Variants in KDM7A observed in about 807,000 individuals in gnomAD.
KDM7A encodes lysine-specific demethylase 7A.
KDM7A carries 28 observed loss-of-function variants against 114.8 expected under a neutral mutation model. The observed-to-expected ratio is 0.24, with a 90% confidence interval of 0.18 to 0.33. The LOEUF is 0.33. Ranked by LOEUF, KDM7A falls within the 10% of genes least tolerant of loss-of-function variation. The pLI, the probability that KDM7A is intolerant of heterozygous loss-of-function variation, is 1.00. For missense variants in KDM7A, 942 were observed against 1,142.5 expected (o/e 0.82, Z 2.53); for synonymous variants, 423 against 397.8 (o/e 1.06, Z -0.75).
At chr7:140,155,859 A>G (rs1369940251) in intron 1 of KDM7A, among the ~76,000 whole-genome samples, 1 of 152,192 alleles carries the variant, frequency 6.6e-6, no homozygotes, top group Non-Finnish European at 1.5e-5. Context: ...AGAATACTAC[A>G]CTATTTAAAG....
At chr7:140,156,823 G>C (rs1794462915) in intron 1 of KDM7A, among the ~76,000 whole-genome samples, 1 of 152,190 alleles carries the variant, frequency 6.6e-6, no homozygotes, top group East Asian at 1.9e-4. Flanking sequence ...GATGGAAATA[G>C]AGAAAGCCAG....
intron 11 of KDM7A, among the ~76,000 whole-genome samples, chr7:140,106,935 G>A (rs1207877263): frequency 6.6e-6 from 1 of 152,106 alleles, no homozygotes; most frequent in African/African-American, 2.4e-5. Context: ...CTTTTTGTAG[G>A]TCTCTAAGGA....
At chr7:140,128,035 A>C (rs991801327) in intron 4 of KDM7A, among the ~76,000 whole-genome samples, 5 of 152,044 alleles carry the variant, frequency 3.3e-5, no homozygotes, top group Non-Finnish European at 7.4e-5. Context: ...TCAAAAAAAA[A>C]CACATCACTC....
intron 1 of KDM7A, among the ~76,000 whole-genome samples, chr7:140,152,816 C>T (rs889852340): frequency 2.6e-4 from 40 of 152,190 alleles, no homozygotes; most frequent in African/African-American, 9.4e-4. Flanking sequence ...CATGTTGGAT[C>T]CCTTCAAAAG....
intron 1 of KDM7A, among the ~76,000 whole-genome samples, chr7:140,168,365 A>C (rs558515054): frequency 1.3e-5 from 2 of 152,272 alleles, no homozygotes; most frequent in African/African-American, 4.8e-5. Context: ...CAGGAGTTCA[A>C]GACCAGCCTG....
Position 140,084,912 on chromosome 7 carries a change from GAATACTAAATACAACTTTAAACAAGTC to G in KDM7A, c.*6155_*6181del. The G allele has an allele frequency of 6.6e-6, 1 of 152,244 alleles. No individual in the cohort carries two copies. The highest frequency in any genetic ancestry group is 1.5e-5 in the Non-Finnish European group (1 of 68,006). The allele number at this position is 152,244 out of a possible 1,614,324, so 9.4% of individuals were successfully genotyped here. Reference sequence around the variant, plus strand: ...TATTTTAAAATACAGAAATTGGAAAGAATACTAAATACAACTTTAAACAAGTCACTTGTCCTCCCCTATAATAATCAA... The same window carrying G: ...TATTTTAAAATACAGAAATTGGAAAGACTTGTCCTCCCCTATAATAATCAA... On this transcript the variant is annotated 3_prime_UTR_variant, in exon 20 of 20. Coordinates refer to ENST00000397560, the MANE Select transcript of KDM7A (RefSeq NM_030647.2).
chr7:140,153,417 C>T (rs1349833566), intron 1 of KDM7A, among the ~76,000 whole-genome samples: 4 of 150,976 alleles, frequency 2.6e-5, no homozygotes, highest in East Asian at 4.0e-4. Context: ...ACCCAGGAGA[C>T]GGAGCTTGCA....
chr7:140,090,828 T>A lies in KDM7A; in HGVS notation c.*266A>T, dbSNP rs1818005673. 4.9e-6 allele frequency: 2 copies of A among 404,632 alleles called. No individual in the cohort carries two copies. The highest frequency in any genetic ancestry group is 8.8e-6 in the Non-Finnish European group (2 of 226,776). 25.1% of individuals were successfully genotyped at this position (404,632 alleles called of 1,614,324 possible). A position where few individuals can be genotyped will look rare whatever the true frequency, so the allele number is the denominator to read the frequency against. On this transcript the variant is annotated 3_prime_UTR_variant, in exon 20 of 20. Coordinates refer to ENST00000397560, the MANE Select transcript of KDM7A (RefSeq NM_030647.2). ...AGACACTACCAACAACAAAATAAAA[T>A]TCAAGCCCTGACAAGAGACCCTTTC...
chr7:140,157,759 T>C (rs1170301146), intron 1 of KDM7A, among the ~76,000 whole-genome samples: 1 of 150,654 alleles, frequency 6.6e-6, no homozygotes, highest in Admixed American at 6.6e-5. Flanking sequence ...AGGTCAGGAG[T>C]TCCAGACCAG....
intron 1 of KDM7A, among the ~76,000 whole-genome samples, chr7:140,159,326 A>G (rs1321407133): frequency 6.6e-6 from 1 of 152,194 alleles, no homozygotes; most frequent in African/African-American, 2.4e-5. Context: ...CAGCCTGGGC[A>G]ACAGAGCAAA....
chr7:140,156,879 C>T (rs1436188118), intron 1 of KDM7A, among the ~76,000 whole-genome samples: 1 of 152,202 alleles, frequency 6.6e-6, no homozygotes, highest in Admixed American at 6.5e-5. Flanking sequence ...TATGTACAAG[C>T]CTAGTCTCGC....
At chr7:140,161,856 A>G (rs1038110921) in intron 1 of KDM7A, among the ~76,000 whole-genome samples, 3 of 152,098 alleles carry the variant, frequency 2.0e-5, no homozygotes, top group African/African-American at 7.2e-5. Context: ...ATATTAAAGT[A>G]TTCAAGGGAT....
intron 9 of KDM7A, among the ~76,000 whole-genome samples, chr7:140,116,304 T>C (rs1410597706): frequency 6.6e-6 from 1 of 151,908 alleles, no homozygotes. Flanking sequence ...AACAGAATAC[T>C]CTAGCAATGA....
intron 1 of KDM7A, among the ~76,000 whole-genome samples, chr7:140,141,477 T>C (rs955200834): frequency 4.6e-5 from 7 of 152,096 alleles, no homozygotes; most frequent in Non-Finnish European, 1.0e-4. Flanking sequence ...ATGTGTGCAC[T>C]CATATGTAAC....
intron 11 of KDM7A, among the ~76,000 whole-genome samples, chr7:140,103,869 C>G (rs1441267292): frequency 1.2e-4 from 18 of 152,154 alleles, no homozygotes; most frequent in Non-Finnish European, 5.9e-5. Flanking sequence ...AGTTCTAGAT[C>G]CCTGAGGAAT....
chr7:140,100,689 C>T (rs56921093), intron 12 of KDM7A, among the ~76,000 whole-genome samples: 17,717 of 51,186 alleles, frequency 0.35, 1,882 homozygotes, highest in Non-Finnish European at 0.43. Context: ...TACATATATA[C>T]ATATATATAT....
intron 7 of KDM7A, 143 bp downstream of exon 7, chr7:140,124,478 A>G: frequency 1.7e-6 from 1 of 590,880 alleles, no homozygotes; most frequent in Non-Finnish European, 2.9e-6. Context: ...GGAACAAAAC[A>G]TAAAAGTCCA....
At chr7:140,172,609 C>T (rs1469385028) in intron 1 of KDM7A, among the ~76,000 whole-genome samples, 3 of 151,658 alleles carry the variant, frequency 2.0e-5, no homozygotes, top group Non-Finnish European at 4.4e-5. Context: ...GCTGAGATTG[C>T]GCCACTGCAC....
At chr7:140,114,313 G>A (rs1433892471) in intron 9 of KDM7A, among the ~76,000 whole-genome samples, 6 of 152,210 alleles carry the variant, frequency 3.9e-5, no homozygotes, top group East Asian at 3.9e-4. Flanking sequence ...GATTGCAGGC[G>A]CGCGCCACCA....
Sources: gnomAD v4.1 joint callset for allele counts (sites outside exome capture counted in the v4.1 genomes callset) on GRCh38, gnomAD v4.1.1 for gene constraint, MANE v1.5 for transcripts, NCBI Gene and HGNC (gene_info 2026-07-23, HGNC 2026-07-21) for gene names.